GPRIN3: variants seen among roughly 807,000 people sequenced by gnomAD.
GPRIN3 encodes G protein-regulated inducer of neurite outgrowth 3.
Under a neutral mutation model 13.7 loss-of-function variants are expected in GPRIN3, and 12 were observed. The observed-to-expected ratio is 0.87, with a 90% CI of 0.56 to 1.42. GPRIN3 has a LOEUF of 1.42. Among genes scored for constraint, GPRIN3 ranks in the 40% most tolerant of loss-of-function variants. The pLI is 0.00. For synonymous variants in GPRIN3, 377 were observed against 372.7 expected (o/e 1.01, Z -0.13); for missense variants, 1,009 against 958.7 (o/e 1.05, Z -0.69).
chr4:89,242,643 C>T lies in GPRIN3; in HGVS notation c.*5137G>A, dbSNP rs1210470666. ...CTTATTTTATCCTGTGGGTTACAGT[C>T]AGTCTTCATAAAGCAAACCATCATT... On this transcript the variant is annotated 3_prime_UTR_variant, in exon 2 of 2. Transcript: ENST00000609438. 1 of 152,174 alleles carries T rather than the reference C, an allele frequency of 6.6e-6. No homozygotes were observed. Among genetic ancestry groups the T allele is most frequent in the Non-Finnish European group, 1.5e-5 (1 of 68,040 alleles). 9.4% of individuals were successfully genotyped at this position (152,174 alleles called of 1,614,324 possible).
At chr4:89,299,008 T>C (rs1724818635) in intron 1 of GPRIN3, among the ~76,000 whole-genome samples, 1 of 152,176 alleles carries the variant, frequency 6.6e-6, no homozygotes, top group South Asian at 2.1e-4. Context: ...ACCAGGGGAA[T>C]AGCAGAACAG....
At chr4:89,281,895 C>T (rs1187043808) in intron 1 of GPRIN3, among the ~76,000 whole-genome samples, 1 of 152,024 alleles carries the variant, frequency 6.6e-6, no homozygotes, top group African/African-American at 2.4e-5. Context: ...CCCTTAATTA[C>T]AAGTCTTTCC....
rs548652493 is a variant in GPRIN3, at chr4:89,239,088, T to G, written c.*8692A>C. ...GGAAATGAAGTTTTATTGGTCAATA[T>G]CTGGAGGATGAGAACTTTCTGAAAT... On this transcript the variant is annotated 3_prime_UTR_variant, in exon 2 of 2. Transcript: ENST00000609438. The G allele has an allele frequency of 2.0e-5, 3 of 152,292 alleles. No individual in the cohort carries two copies. The highest frequency in any genetic ancestry group is 7.2e-5 in the African/African-American group (3 of 41,568). 9.4% of individuals were successfully genotyped at this position (152,292 alleles called of 1,614,324 possible). A position where few individuals can be genotyped will look rare whatever the true frequency, so the allele number is the denominator to read the frequency against.
chr4:89,269,938 T>C (rs778634405), intron 1 of GPRIN3, among the ~76,000 whole-genome samples: 15 of 152,324 alleles, frequency 9.8e-5, no homozygotes, highest in Non-Finnish European at 2.2e-4. Flanking sequence ...CTTAAAATAA[T>C]GTTTTCAATG....
intron 1 of GPRIN3, among the ~76,000 whole-genome samples, chr4:89,283,243 C>T (rs1304457043): frequency 6.6e-6 from 1 of 152,204 alleles, no homozygotes; most frequent in Non-Finnish European, 1.5e-5. Context: ...AATTGTTTAA[C>T]ATACACAATG....
chr4:89,261,154 A>T (rs545381469), intron 1 of GPRIN3, among the ~76,000 whole-genome samples: 55 of 152,338 alleles, frequency 3.6e-4, no homozygotes, highest in Non-Finnish European at 6.2e-4. Context: ...AATCTAGGGT[A>T]GAGTTTCTCA....
rs11729264 is a variant in GPRIN3, at chr4:89,275,163, C to T, written c.-123-24930G>A. On this transcript the variant is annotated intron_variant, in intron 1 of 1. Coordinates refer to ENST00000609438, the MANE Select transcript of GPRIN3 (RefSeq NM_198281.3). Reference sequence around the variant, plus strand: ...GTGTGTGTGTGTGTGTGTGTGTCCACGCGCATGTGCACAGTGTATGGTATG... The same window carrying T: ...GTGTGTGTGTGTGTGTGTGTGTCCATGCGCATGTGCACAGTGTATGGTATG... 9.0e-3 allele frequency among the ~76,000 whole-genome samples: 644 copies of T among 71,194 alleles called. 6 individuals carry two copies. Among genetic ancestry groups the T allele is most frequent in the Non-Finnish European group, 9.3e-3 (315 of 33,720 alleles). The allele number at this position is 71,194 out of a possible 152,430, so 46.7% of individuals were successfully genotyped here. A position where few individuals can be genotyped will look rare whatever the true frequency, so the allele number is the denominator to read the frequency against.
rs973610849 is a variant in GPRIN3, at chr4:89,248,225, T to C, written c.1886A>G (p.Lys629Arg). 6.2e-7 allele frequency: 1 copy of C among 1,614,164 alleles called. No individual in the cohort carries two copies. Among genetic ancestry groups the C allele is most frequent in the Non-Finnish European group, 8.5e-7 (1 of 1,180,012 alleles). ...SGKKTPSRSV[K>R]ASPRRPSRVS... Reference sequence around the variant, plus strand: ...GCGGCTGGGCCTGCGTGGGCTGGCTTTGACGGAGCGAGATGGGGTCTTCTT... The same window carrying C: ...GCGGCTGGGCCTGCGTGGGCTGGCTCTGACGGAGCGAGATGGGGTCTTCTT... Residue 629 changes from lysine (K) to arginine (R), a missense_variant, in exon 2 of 2, where the codon AAA becomes AGA. Transcript: ENST00000609438.
intron 1 of GPRIN3, among the ~76,000 whole-genome samples, chr4:89,302,776 AGACTT>A (rs1327698611): frequency 6.6e-6 from 1 of 152,198 alleles, no homozygotes; most frequent in Non-Finnish European, 1.5e-5. Context: ...TTGTTATTCC[AGACTT>A]GACTCTTACG....
chr4:89,305,144 G>A (rs1394960917), intron 1 of GPRIN3, among the ~76,000 whole-genome samples: 2 of 152,054 alleles, frequency 1.3e-5, no homozygotes, highest in East Asian at 1.9e-4. Flanking sequence ...CTCCATTCTC[G>A]TCTTACCATC....
chr4:89,294,690 C>T (rs947527733), intron 1 of GPRIN3, among the ~76,000 whole-genome samples: 1 of 152,186 alleles, frequency 6.6e-6, no homozygotes, highest in Non-Finnish European at 1.5e-5. Context: ...ACAACCACAA[C>T]CAACTACATC....
chr4:89,270,786 A>G (rs577590030), intron 1 of GPRIN3, among the ~76,000 whole-genome samples: 9 of 151,700 alleles, frequency 5.9e-5, no homozygotes, highest in South Asian at 2.1e-4. Flanking sequence ...CAAGGTACAC[A>G]TAGGAGAAAC....
chr4:89,272,486 ATT>A (rs944233477), intron 1 of GPRIN3, among the ~76,000 whole-genome samples: 1 of 152,082 alleles, frequency 6.6e-6, no homozygotes, highest in African/African-American at 2.4e-5. Context: ...TGAAAATGAA[ATT>A]TTCTTTTGAT....
chr4:89,297,542 C>G (rs1724772527), intron 1 of GPRIN3, among the ~76,000 whole-genome samples: 1 of 152,076 alleles, frequency 6.6e-6, no homozygotes, highest in African/African-American at 2.4e-5. Flanking sequence ...TCCCCTACAC[C>G]ACCAGTCTCT....
rs1303741296 is a variant in GPRIN3 at position 89,243,586 on chromosome 4, AGTC to A, written c.*4191_*4193del. ...CACAAAAACAGAGTGGGAATAAGGT[AGTC>A]GGCTCACTTATGCAAGATACTGCTG... is the stretch of plus-strand genomic sequence containing the variant. On this transcript the variant is annotated 3_prime_UTR_variant, in exon 2 of 2. Coordinates refer to ENST00000609438, the MANE Select transcript of GPRIN3 (RefSeq NM_198281.3). 1 of 152,240 alleles carries A rather than the reference AGTC, an allele frequency of 6.6e-6. No homozygotes were observed. The highest frequency in any genetic ancestry group is 2.4e-5 in the African/African-American group (1 of 41,456). 9.4% of individuals were successfully genotyped at this position (152,240 alleles called of 1,614,324 possible). A position where few individuals can be genotyped will look rare whatever the true frequency, so the allele number is the denominator to read the frequency against.
rs368873103 is a variant in GPRIN3 at position 89,248,623 on chromosome 4, T to C, written c.1488A>G (p.Ala496=). The change falls in exon 2 of 2, where the codon GCA becomes GCG. Residue 496 remains alanine (A), a synonymous_variant. Transcript: ENST00000609438. The part of the protein sequence containing the change: ...GKFETRPSEF[A]EKTTNGHKTD... ...TTTTGTGGCCGTTTGTCGTTTTCTC[T>C]GCAAACTCAGATGGCCTGGTTTCAA... 6.2e-7 allele frequency: 1 copy of C among 1,614,174 alleles called. No individual in the cohort carries two copies. Among genetic ancestry groups the C allele is most frequent in the South Asian group, 1.1e-5 (1 of 91,082 alleles).
At chr4:89,294,542 G>A (rs1415904488) in intron 1 of GPRIN3, among the ~76,000 whole-genome samples, 2 of 152,122 alleles carry the variant, frequency 1.3e-5, no homozygotes, top group African/African-American at 4.8e-5. Context: ...TAAAGGCAGG[G>A]ATGCATCTTC....
chr4:89,258,439 T>A (rs1450768219), intron 1 of GPRIN3, among the ~76,000 whole-genome samples: 3 of 152,004 alleles, frequency 2.0e-5, no homozygotes, highest in East Asian at 1.9e-4. Flanking sequence ...ATGGTCTCCA[T>A]CTCCTGACCT....
chr4:89,295,021 C>A (rs968867892), intron 1 of GPRIN3, among the ~76,000 whole-genome samples: 7 of 152,026 alleles, frequency 4.6e-5, no homozygotes, highest in Non-Finnish European at 7.4e-5. Flanking sequence ...ACAAAAAGCT[C>A]AAAAAACTGA....
Sources: gnomAD v4.1 joint callset for allele counts (sites outside exome capture counted in the v4.1 genomes callset) on GRCh38, gnomAD v4.1.1 for gene constraint, MANE v1.5 for transcripts, NCBI Gene and HGNC (gene_info 2026-07-23, HGNC 2026-07-21) for gene names.